Variants in NMRAL1 observed in about 807,000 individuals in gnomAD.
NMRAL1 encodes the protein NmrA like redox sensor 1, also known as nmrA-like family domain-containing protein 1.
Under a neutral mutation model 27.5 loss-of-function variants are expected in NMRAL1, and 32 were observed. The ratio of observed to expected loss-of-function variants is 1.16; its 90% CI spans 0.88 to 1.56. The LOEUF (loss-of-function observed/expected upper bound fraction) is 1.56, where lower values mean the gene tolerates loss of function less well. Ranked by LOEUF, NMRAL1 falls within the 40% of genes most tolerant of loss-of-function variation. The probability of loss-of-function intolerance (pLI) is 0.00; values close to 1 mark genes in which losing one functional copy is unlikely to be tolerated. For synonymous variants in NMRAL1, 166 were observed against 166.8 expected, an observed-to-expected ratio of 1.00 and a Z score of 0.04; for missense variants, 420 against 392.0, an observed-to-expected ratio of 1.07 and a Z score of -0.60.
chr16:4,473,010 CTG>C (rs915234661), intron 2 of NMRAL1, among the ~76,000 whole-genome samples: 2 of 140,008 alleles, frequency 1.4e-5, no homozygotes, highest in African/African-American at 5.4e-5. Context: ...AGGTCTCACT[CTG>C]TTGCCCAGGC....
At chr16:4,475,499 A>T (rs1289571287), upstream of NMRAL1, among the ~76,000 whole-genome samples, 1 of 151,230 alleles carries the variant, frequency 6.6e-6, no homozygotes, top group Non-Finnish European at 1.5e-5. Flanking sequence ...TTTGGTAGAG[A>T]CGGGGTTTCA....
intron 4 of NMRAL1, 25 bp from the exon 5 acceptor site, chr16:4,463,875 T>C (rs2057211852): frequency 1.2e-6 from 2 of 1,602,286 alleles, no homozygotes; most frequent in African/African-American, 1.3e-5. Context: ...CGTGAGCTGG[T>C]ATATGTCCCG....
chr16:4,464,419 T>C (rs1407996635), intron 4 of NMRAL1, among the ~76,000 whole-genome samples: 7 of 152,258 alleles, frequency 4.6e-5, no homozygotes, highest in Admixed American at 2.0e-4. Context: ...AATGAATGAA[T>C]GACTCGCAAA....
chr16:4,475,298 T>G (rs761867098), upstream of NMRAL1, among the ~76,000 whole-genome samples: 131 of 151,362 alleles, frequency 8.7e-4, no homozygotes, highest in Non-Finnish European at 1.6e-3. Flanking sequence ...ATTTCAGTTT[T>G]TTTTTGTTTT....
intron 5 of NMRAL1, 60 bp downstream of exon 5, chr16:4,463,600 C>T (rs1470001740): frequency 6.5e-7 from 1 of 1,527,044 alleles, no homozygotes. Context: ...ACACACCCTC[C>T]CTACGGGAGC....
chr16:4,467,943 T>G (rs1346252933), intron 3 of NMRAL1, among the ~76,000 whole-genome samples: 1 of 151,834 alleles, frequency 6.6e-6, no homozygotes, highest in African/African-American at 2.4e-5. Context: ...TTAAGCCACG[T>G]GGATTGTGGT....
In NMRAL1 at chr16:4,463,712, T is replaced by C. The variant is rs2057203080; in HGVS notation, c.668A>G (p.Glu223Gly). Reference sequence around the variant, plus strand: ...GTGCTTGGTGAGCAGGGCAGCGTACTCCTCGGCCGTGTGCCTGCAAGTGCT... The same window carrying C: ...GTGCTTGGTGAGCAGGGCAGCGTACCCCTCGGCCGTGTGCCTGCAAGTGCT... ...GLSTCRHTAEEYAALLTKHTR... is the reference protein window; with the variant it reads ...GLSTCRHTAEGYAALLTKHTR... The change falls in exon 5 of 6, where the codon GAG (glutamate) becomes GGG (glycine). Residue 223 changes from glutamate to glycine, a missense_variant. Transcript: ENST00000283429. 6.2e-7 allele frequency: 1 copy of C among 1,614,066 alleles called. No homozygotes were observed.
At chr16:4,474,389 G>GC (rs796297042) in intron 1 of NMRAL1, 165 bp downstream of exon 1, 26 of 483,158 alleles carry the variant, frequency 5.4e-5, no homozygotes, top group African/African-American at 3.4e-4. Context: ...CCAGTCACCC[G>GC]CCCCCCGGCC....
chr16:4,465,598 C>G (rs533237207), intron 4 of NMRAL1, among the ~76,000 whole-genome samples: 1 of 152,190 alleles, frequency 6.6e-6, no homozygotes, highest in African/African-American at 2.4e-5. Context: ...CGGAGTGTTG[C>G]TCTTGTCGCC....
At chr16:4,464,426 C>T (rs891660289) in intron 4 of NMRAL1, among the ~76,000 whole-genome samples, 1 of 152,118 alleles carries the variant, frequency 6.6e-6, no homozygotes, top group African/African-American at 2.4e-5. Context: ...GAATGACTCG[C>T]AAACTTCCAG....
chr16:4,463,758 C>T lies in NMRAL1; in HGVS notation c.622G>A (p.Val208Ile), dbSNP rs779642852. ...LSLLKMPEKYVGQNIGLSTCR... is the reference protein window; with the variant it reads ...LSLLKMPEKYIGQNIGLSTCR... ...GTGCTCAGCCCGATGTTCTGGCCGA[C>T]GTATTTTTCTGGCATCTTCAAAAGG... Residue 208 changes from valine (V) to isoleucine (I), a missense_variant, in exon 5 of 6, where the codon GTC (valine) becomes ATC (isoleucine). Coordinates refer to ENST00000283429, the MANE Select transcript of NMRAL1 (RefSeq NM_020677.6). The T allele has an allele frequency of 4.0e-5, 65 of 1,613,972 alleles. No individual in the cohort carries two copies. The Admixed American group carries it at 6.3e-4, about 16-fold the overall frequency.
chr16:4,462,231 C>A (rs1344255919), intron 5 of NMRAL1, among the ~76,000 whole-genome samples: 3 of 152,220 alleles, frequency 2.0e-5, no homozygotes, highest in Non-Finnish European at 4.4e-5. Flanking sequence ...GTAATCCCTG[C>A]ACTTTGGGAG....
At chr16:4,466,084 C>A in intron 4 of NMRAL1, 69 bp downstream of exon 4, 1 of 1,581,592 alleles carries the variant, frequency 6.3e-7, no homozygotes, top group Middle Eastern at 1.8e-4. Flanking sequence ...CAGCGGCCCG[C>A]GGTCTGTTAC....
chr16:4,474,440 G>C (rs906638764), intron 1 of NMRAL1, 114 bp downstream of exon 1: 6 of 405,120 alleles, frequency 1.5e-5, no homozygotes, highest in Non-Finnish European at 2.3e-5. Flanking sequence ...CCGCGGCCTG[G>C]GCGGGACAAG....
At chr16:4,471,644 TTTA>T (rs950789047) in intron 2 of NMRAL1, among the ~76,000 whole-genome samples, 4 of 151,134 alleles carry the variant, frequency 2.6e-5, no homozygotes, top group Admixed American at 6.6e-5. Context: ...AAAAAAATTC[TTTA>T]TTATATGTAT....
In NMRAL1 at chr16:4,466,099, A is replaced by G. The variant is rs927660834; in HGVS notation, c.529+54T>C. 19 of 1,604,552 alleles carry G rather than the reference A, an allele frequency of 1.2e-5. No homozygotes were observed. The South Asian group carries it at 1.2e-4, about 10-fold the overall frequency. ...CAGCGGCCCGCGGTCTGTTACACCA[A>G]CGGCTTTACAGGGTGAGAGCTCTGC... On this transcript the variant is annotated intron_variant, in intron 4 of 5. Transcript: ENST00000283429.
At position 4,466,309 on chromosome 16, in the gene NMRAL1, A is replaced by G. The variant is rs371479627; in HGVS notation, c.373T>C (p.Leu125=). 2.4e-5 allele frequency: 39 copies of G among 1,613,820 alleles called. No individual in the cohort carries two copies. The highest frequency in any genetic ancestry group is 2.9e-5 in the Non-Finnish European group (34 of 1,180,026). Residue 125 remains leucine, a synonymous_variant, in exon 4 of 6, where the codon TTG becomes CTG. Coordinates refer to ENST00000283429, the MANE Select transcript of NMRAL1 (RefSeq NM_020677.6). ...TTGCCGTCAAAGTGCGCGGCGGCCA[A>G]TCTCCCTGCCGTCAGCTTCTTGATG... is the stretch of plus-strand genomic sequence containing the variant. ...ENIKKLTAGR[L]AAAHFDGKGE... is the part of the protein sequence containing the mutation.
Position 4,466,220 on chromosome 16 carries a change from G to C in NMRAL1, c.462C>G (p.Cys154Trp). Residue 154 changes from cysteine (C) to tryptophan (W), a missense_variant, in exon 4 of 6, where the codon TGC becomes TGG. By Grantham distance (215) the Cys-to-Trp change is radical. Coordinates refer to ENST00000283429, the MANE Select transcript of NMRAL1 (RefSeq NM_020677.6). The stretch of plus-strand genomic sequence containing the variant: ...AGTGGGAGAGGAGGTTCTCAAAATA[G>C]CAGGGCAGCCGCACACTGGTCATGG... ...GVPMTSVRLPCYFENLLSHFL... is the reference protein window; with the variant it reads ...GVPMTSVRLPWYFENLLSHFL... The C allele has an allele frequency of 6.2e-7, 1 of 1,614,180 alleles. No individual in the cohort carries two copies. Among genetic ancestry groups the C allele is most frequent in the South Asian group, 1.1e-5 (1 of 91,090 alleles).
At chr16:4,466,613 T>C in intron 3 of NMRAL1, 1 of 581,706 alleles carries the variant, frequency 1.7e-6, no homozygotes, top group South Asian at 2.0e-5. Context: ...TACCAGCCAC[T>C]GACTCTGGCC....
Sources: allele counts gnomAD v4.1 joint callset (sites outside exome capture counted in the v4.1 genomes callset), GRCh38; gene constraint gnomAD v4.1.1; transcripts MANE v1.5; gene names NCBI Gene and HGNC (gene_info 2026-07-23, HGNC 2026-07-21).